C12orf42: variants seen among roughly 807,000 people sequenced by gnomAD.
C12orf42 encodes the protein uncharacterized protein C12orf42.
In C12orf42, 25 loss-of-function variants were observed where a neutral mutation model predicts 21.6. The ratio of observed to expected loss-of-function variants is 1.16; its 90% CI spans 0.84 to 1.62. C12orf42 has a LOEUF of 1.62. Among genes scored for constraint, C12orf42 ranks in the 40% most tolerant of loss-of-function variants. C12orf42 has a pLI of 0.00. For synonymous variants in C12orf42, 174 were observed against 175.0 expected (o/e 0.99, Z 0.05); for missense variants, 483 against 459.3 (o/e 1.05, Z -0.47).
chr12:103,068,811 G>T, the C12orf42 span, among the ~76,000 whole-genome samples: 1 of 149,806 alleles, frequency 6.7e-6, no homozygotes. Context: ...TCCTCAGCTT[G>T]CAGATGGCCT....
the C12orf42 span, among the ~76,000 whole-genome samples, chr12:103,133,630 A>T: frequency 2.0e-5 from 3 of 151,700 alleles, no homozygotes; most frequent in African/African-American, 4.9e-5. Context: ...AGCCAAAGAA[A>T]TCATATGAAG....
At chr12:103,302,604 G>C (rs753781391) in intron 5 of C12orf42, 45 bp from the exon 6 acceptor site, 10 of 1,521,830 alleles carry the variant, frequency 6.6e-6, no homozygotes, top group Middle Eastern at 4.8e-4. Context: ...AGGCTCAAGC[G>C]TGCGGGACCA....
At chr12:103,413,469 A>T (rs1043562434) in intron 2 of C12orf42, among the ~76,000 whole-genome samples, 2 of 93,296 alleles carry the variant, frequency 2.1e-5, no homozygotes, top group Non-Finnish European at 4.4e-5. Flanking sequence ...TTATTTTGGT[A>T]TTTACTCTAT....
At chr12:103,132,521 A>C in the C12orf42 span, among the ~76,000 whole-genome samples, 1 of 152,116 alleles carries the variant, frequency 6.6e-6, no homozygotes, top group Admixed American at 6.5e-5. Context: ...GCTGGGTCCC[A>C]GACTCTATCT....
the C12orf42 span, chr12:103,159,405 A>G: frequency 6.6e-6 from 1 of 152,172 alleles, no homozygotes; most frequent in Non-Finnish European, 1.5e-5. Flanking sequence ...TAGACGTTCT[A>G]TGTATTGGAT....
chr12:103,339,926 G>C (rs1342219444), intron 4 of C12orf42, among the ~76,000 whole-genome samples: 1 of 152,180 alleles, frequency 6.6e-6, no homozygotes, highest in Non-Finnish European at 1.5e-5. Context: ...AAGTTCCTGA[G>C]AAAGAATAAA....
chr12:103,051,939 T>C, the C12orf42 span, among the ~76,000 whole-genome samples: 5 of 152,212 alleles, frequency 3.3e-5, no homozygotes, highest in African/African-American at 4.8e-5. Flanking sequence ...ATTTCTAAAC[T>C]TCATTAAATG....
intron 4 of C12orf42, among the ~76,000 whole-genome samples, chr12:103,289,824 A>G (rs1401727907): frequency 1.3e-5 from 2 of 152,222 alleles, no homozygotes; most frequent in Non-Finnish European, 2.9e-5. Context: ...ATGCTCCAAA[A>G]TGTAAATAGT....
At chr12:103,067,035 C>T in the C12orf42 span, among the ~76,000 whole-genome samples, 1 of 152,222 alleles carries the variant, frequency 6.6e-6, no homozygotes, top group African/African-American at 2.4e-5. Flanking sequence ...GCTACGACCA[C>T]TGCTGAGTGC....
intron 2 of C12orf42, among the ~76,000 whole-genome samples, chr12:103,429,312 C>T (rs1008580499): frequency 1.3e-5 from 2 of 152,048 alleles, no homozygotes; most frequent in Non-Finnish European, 1.5e-5. Context: ...ACAAGCATTC[C>T]TATACACCAA....
chr12:103,093,888 G>A, the C12orf42 span, among the ~76,000 whole-genome samples: 5 of 152,094 alleles, frequency 3.3e-5, no homozygotes, highest in South Asian at 2.1e-4. Flanking sequence ...CCTCTGTGTC[G>A]GCAGCCTCCT....
At chr12:103,482,098 A>G (rs930884928) in intron 1 of C12orf42, among the ~76,000 whole-genome samples, 4 of 152,004 alleles carry the variant, frequency 2.6e-5, no homozygotes, top group Admixed American at 2.6e-4. Flanking sequence ...TTATTGTTCT[A>G]ATTTTTTGCA....
the C12orf42 span, among the ~76,000 whole-genome samples, chr12:103,119,024 T>C: frequency 0.024 from 3,663 of 152,130 alleles, 144 homozygotes; most frequent in African/African-American, 0.083. Flanking sequence ...CCTTTCACTC[T>C]CAAAAATGTT....
the C12orf42 span, among the ~76,000 whole-genome samples, chr12:103,230,616 T>G: frequency 6.6e-6 from 1 of 152,192 alleles, no homozygotes; most frequent in Admixed American, 6.5e-5. Flanking sequence ...TGACAAGGCC[T>G]CTTGTCTGAC....
At chr12:103,365,563 A>G (rs2044525132) in intron 4 of C12orf42, among the ~76,000 whole-genome samples, 1 of 152,040 alleles carries the variant, frequency 6.6e-6, no homozygotes. Flanking sequence ...ATATGATTGT[A>G]TACTTAGAAA....
the C12orf42 span, among the ~76,000 whole-genome samples, chr12:103,141,758 G>A: frequency 1.3e-5 from 2 of 152,018 alleles, no homozygotes; most frequent in African/African-American, 4.8e-5. Flanking sequence ...TGGAACTCCT[G>A]ACCTCAAATG....
chr12:103,509,852 A>T, the C12orf42 span, among the ~76,000 whole-genome samples: 2 of 152,234 alleles, frequency 1.3e-5, no homozygotes, highest in Non-Finnish European at 2.9e-5. Context: ...AAATCAAAAA[A>T]TAATAGATGT....
the C12orf42 span, among the ~76,000 whole-genome samples, chr12:103,531,257 G>A: frequency 6.6e-6 from 1 of 152,218 alleles, no homozygotes; most frequent in African/African-American, 2.4e-5. Flanking sequence ...AGGCTGGGCA[G>A]TGGTGTAGAG....
At chr12:103,126,592 G>T in the C12orf42 span, among the ~76,000 whole-genome samples, 2 of 151,848 alleles carry the variant, frequency 1.3e-5, no homozygotes, top group African/African-American at 4.8e-5. Flanking sequence ...GAATGTGAAG[G>T]TGTGTAAATA....
Sources: allele counts gnomAD v4.1 joint callset (sites outside exome capture counted in the v4.1 genomes callset), GRCh38; gene constraint gnomAD v4.1.1; transcripts MANE v1.5; gene names NCBI Gene and HGNC (gene_info 2026-07-23, HGNC 2026-07-21).